Variants in RPL27 observed in about 807,000 individuals in gnomAD.
RPL27 encodes ribosomal protein L27.
For missense variants in RPL27, 131 were observed against 174.3 expected, an observed-to-expected ratio of 0.75 and a Z score of 1.40; for synonymous variants, 77 against 61.0, an observed-to-expected ratio of 1.26 and a Z score of -1.22.
intron 3 of RPL27, among the ~76,000 whole-genome samples, chr17:43,001,010 T>C (rs1011051405): frequency 1.3e-5 from 2 of 149,170 alleles, no homozygotes; most frequent in East Asian, 2.0e-4. Flanking sequence ...GATCACACCA[T>C]TGTACTCCAG....
At chr17:43,001,257 TG>T (rs2050358739) in intron 3 of RPL27, among the ~76,000 whole-genome samples, 1 of 151,886 alleles carries the variant, frequency 6.6e-6, no homozygotes, top group African/African-American at 2.4e-5. Flanking sequence ...GAACAATAAT[TG>T]CCAGAACCCA....
intron 1 of RPL27, 63 bp downstream of exon 1, chr17:42,998,534 T>G (rs1597769136): frequency 2.2e-6 from 1 of 451,440 alleles, no homozygotes; most frequent in Non-Finnish European, 4.0e-6. Flanking sequence ...GGGTCGAAGG[T>G]CCGGGCGGCG....
intron 2 of RPL27, 21 bp from the exon 3 acceptor site, chr17:42,999,912 A>G (rs1211920716): frequency 6.2e-7 from 1 of 1,601,592 alleles, no homozygotes. Context: ...TGAATAACAA[A>G]TGTAATTCTT....
rs760178247 is a variant in RPL27 at position 43,002,703 on chromosome 17, T to C, written c.282T>C (p.Thr94=). 2.5e-6 allele frequency: 4 copies of C among 1,613,594 alleles called. No individual in the cohort carries two copies. Among genetic ancestry groups the C allele is most frequent in the Non-Finnish European group, 3.4e-6 (4 of 1,179,570 alleles). ...RYSVDIPLDK[T]VVNKDVFRDP... Reference sequence around the variant, plus strand: ...CTGTGGATATCCCCTTGGACAAAACTGTCGTCAATAAGGATGTCTTCAGAG... The same window carrying C: ...CTGTGGATATCCCCTTGGACAAAACCGTCGTCAATAAGGATGTCTTCAGAG... The change falls in exon 4 of 5, where the codon ACT becomes ACC. Residue 94 remains threonine, a synonymous_variant. Coordinates refer to ENST00000253788, the MANE Select transcript of RPL27 (RefSeq NM_000988.5).
At chr17:42,999,336 C>T (rs1351219159) in intron 2 of RPL27, 2 of 154,902 alleles carry the variant, frequency 1.3e-5, no homozygotes, top group Non-Finnish European at 2.9e-5. Context: ...CTTCCTGTTG[C>T]TAAGGTTTGG....
chr17:43,002,316 T>C (rs562398020), intron 3 of RPL27, among the ~76,000 whole-genome samples: 18 of 150,554 alleles, frequency 1.2e-4, no homozygotes, highest in East Asian at 3.9e-4. Context: ...CCGTCCTGGC[T>C]AACACTGTGA....
intron 1 of RPL27, 30 bp downstream of exon 1, chr17:42,998,501 A>C: frequency 2.6e-6 from 1 of 389,478 alleles, no homozygotes; most frequent in African/African-American, 2.1e-5. Flanking sequence ...GAATCTTTCA[A>C]TCCGCTGCCA....
At position 43,002,707 on chromosome 17, in the gene RPL27, G is replaced by A. The variant is rs753830462; in HGVS notation, c.286G>A (p.Val96Ile). 1.2e-4 allele frequency: 198 copies of A among 1,613,620 alleles called. No homozygotes were observed. Among genetic ancestry groups the A allele is most frequent in the Non-Finnish European group, 1.6e-4 (188 of 1,179,694 alleles). ...SVDIPLDKTVVNKDVFRDPAL... is the reference protein window; with the variant it reads ...SVDIPLDKTVINKDVFRDPAL... ...GGATATCCCCTTGGACAAAACTGTC[G>A]TCAATAAGGATGTCTTCAGAGATCC... Residue 96 changes from valine to isoleucine, a missense_variant, in exon 4 of 5, where the codon GTC (valine) becomes ATC (isoleucine). Physicochemically the swap from Val to Ile is conservative, Grantham distance 29. Coordinates refer to ENST00000253788, the MANE Select transcript of RPL27 (RefSeq NM_000988.5).
intron 3 of RPL27, among the ~76,000 whole-genome samples, chr17:43,000,668 T>C (rs2050351344): frequency 6.7e-6 from 1 of 148,690 alleles, no homozygotes; most frequent in Non-Finnish European, 1.5e-5. Context: ...ATGGTCTCGA[T>C]CTCCTGACCT....
At chr17:42,998,857 C>G (rs142303710) in intron 2 of RPL27, 26 bp downstream of exon 2, 210 of 1,597,774 alleles carry the variant, frequency 1.3e-4, no homozygotes, top group Admixed American at 4.3e-4. Flanking sequence ...GACTCTGCGT[C>G]CTTGCATGCC....
In RPL27 at chr17:42,998,740, T is replaced by C; in HGVS notation, c.-2-9T>C. ...TTTTTAAGTGGCCCTTTCTCCTTGCTCTCTGCAGAAATGGGCAAGTTCATG... is the reference window on the plus strand; with the variant it reads ...TTTTTAAGTGGCCCTTTCTCCTTGCCCTCTGCAGAAATGGGCAAGTTCATG... On this transcript the variant is annotated splice_polypyrimidine_tract_variant and intron_variant, in intron 1 of 4. Coordinates refer to ENST00000253788, the MANE Select transcript of RPL27 (RefSeq NM_000988.5). 6.2e-7 allele frequency: 1 copy of C among 1,611,186 alleles called. No homozygotes were observed. Among genetic ancestry groups the C allele is most frequent in the Non-Finnish European group, 8.5e-7 (1 of 1,177,654 alleles).
intron 2 of RPL27, chr17:42,999,729 A>G: frequency 1.8e-6 from 1 of 556,172 alleles, no homozygotes. Flanking sequence ...ACCTCTAGTA[A>G]GCCGTTCCAG....
chr17:42,999,684 C>G, intron 2 of RPL27: 1 of 467,470 alleles, frequency 2.1e-6, no homozygotes. Context: ...GCAAGTACTT[C>G]TTAAATGTTA....
At chr17:42,999,093 T>A in intron 2 of RPL27, 2 of 444,822 alleles carry the variant, frequency 4.5e-6, no homozygotes, top group Non-Finnish European at 8.1e-6. Context: ...GCTTGCTATG[T>A]GCTCCCACTG....
chr17:42,998,689 G>A, intron 1 of RPL27, 60 bp from the exon 2 acceptor site: 1 of 1,329,934 alleles, frequency 7.5e-7, no homozygotes, highest in Non-Finnish European at 1.1e-6. Context: ...GCAGGAGTCA[G>A]CTCTGGGCAT....
chr17:43,002,543 C>T (rs1375318422), intron 3 of RPL27, 130 bp from the exon 4 acceptor site: 24 of 651,006 alleles, frequency 3.7e-5, no homozygotes, highest in East Asian at 1.8e-4. Flanking sequence ...ATAATGTCAT[C>T]GGGACATGGC....
intron 3 of RPL27, among the ~76,000 whole-genome samples, 188 bp from the exon 4 acceptor site, chr17:43,002,485 C>T (rs948046831): frequency 4.0e-5 from 6 of 151,432 alleles, no homozygotes; most frequent in South Asian, 2.1e-4. Context: ...CCAGCCTGGA[C>T]GAAAGATTCA....
Position 42,998,795 on chromosome 17 carries a change from T to A in RPL27, c.45T>A (p.Ala15=). ...CTGGGAAGGTGGTGCTTGTCCTGGC[T>A]GGACGCTACTCCGGACGCAAAGCTG... ...MKPGKVVLVL[A]GRYSGRKAVI... Residue 15 remains alanine (A), a synonymous_variant, in exon 2 of 5, where the codon GCT becomes GCA. Coordinates refer to ENST00000253788, the MANE Select transcript of RPL27 (RefSeq NM_000988.5). 1 of 1,614,046 alleles carries A rather than the reference T, an allele frequency of 6.2e-7. No homozygotes were observed. Among genetic ancestry groups the A allele is most frequent in the Non-Finnish European group, 8.5e-7 (1 of 1,179,948 alleles).
chr17:42,999,309 C>T (rs2050334265), intron 2 of RPL27: 1 of 156,088 alleles, frequency 6.4e-6, no homozygotes, highest in African/African-American at 2.4e-5. Context: ...GCCACCATCC[C>T]CAGCTATAGG....
Sources: allele counts gnomAD v4.1 joint callset (sites outside exome capture counted in the v4.1 genomes callset), GRCh38; gene constraint gnomAD v4.1.1; transcripts MANE v1.5; gene names NCBI Gene and HGNC (gene_info 2026-07-23, HGNC 2026-07-21).